The following SLC44A5 variants were observed in gnomAD, a reference collection of about 807,000 sequenced individuals.
SLC44A5 encodes solute carrier family 44 member 5.
A neutral mutation model predicts 101.8 loss-of-function variants in SLC44A5; 57 were observed. That is an observed-to-expected ratio of 0.56 (90% CI 0.45 to 0.70). The LOEUF is 0.70. SLC44A5 is among the 30% of genes least tolerant of loss of function. SLC44A5 has a pLI of 0.00. For synonymous variants in SLC44A5, 281 were observed against 290.9 expected (o/e 0.97, Z 0.35); for missense variants, 737 against 853.1 (o/e 0.86, Z 1.70).
chr1:75,582,356 G>T, intron 1 of SLC44A5: 2 of 1,105,364 alleles, frequency 1.8e-6, no homozygotes, highest in Non-Finnish European at 1.3e-6. Flanking sequence ...GATCCCAAAG[G>T]GTGTCAGCCA....
chr1:75,380,731 G>A lies in SLC44A5; in HGVS notation c.52+15852C>T, dbSNP rs372169461. ...CACTAGACATTTGAAGTTCTACAAT[G>A]AACCCATCGGAGATGCAAAGAAAAG... On this transcript the variant is annotated intron_variant, in intron 3 of 23. Transcript: ENST00000370859. Among the ~76,000 whole-genome samples the A allele has an allele frequency of 8.7e-3, 624 of 72,070 alleles. 3 individuals are homozygous for A. The highest frequency in any genetic ancestry group is 9.3e-3 in the African/African-American group (103 of 11,106). The allele number at this position is 72,070 out of a possible 152,430, so 47.3% of individuals were successfully genotyped here. A position where few individuals can be genotyped will look rare whatever the true frequency, so the allele number is the denominator to read the frequency against.
chr1:75,318,094 G>A (rs898365515), intron 4 of SLC44A5, among the ~76,000 whole-genome samples: 3 of 152,042 alleles, frequency 2.0e-5, no homozygotes, highest in Non-Finnish European at 4.4e-5. Flanking sequence ...CTGCTCTATA[G>A]GGCTGAGCTC....
chr1:75,498,214 C>T (rs1277976861), intron 2 of SLC44A5, among the ~76,000 whole-genome samples: 1 of 152,130 alleles, frequency 6.6e-6, no homozygotes, highest in South Asian at 2.1e-4. Context: ...TTCAATATTT[C>T]TTAAAACCTG....
intron 3 of SLC44A5, among the ~76,000 whole-genome samples, chr1:75,385,296 T>G (rs1661229612): frequency 6.8e-6 from 1 of 146,262 alleles, no homozygotes; most frequent in African/African-American, 2.6e-5. Flanking sequence ...ATCAACAAAA[T>G]TGATAGACCG....
chr1:75,315,857 A>G (rs998614823), intron 4 of SLC44A5, among the ~76,000 whole-genome samples: 6 of 152,100 alleles, frequency 3.9e-5, no homozygotes, highest in African/African-American at 1.4e-4. Flanking sequence ...AAATTCTGCC[A>G]TTCTTGACTC....
intron 7 of SLC44A5, 91 bp from the exon 8 acceptor site, chr1:75,243,102 CAAAA>C: frequency 7.1e-7 from 1 of 1,413,782 alleles, no homozygotes; most frequent in South Asian, 1.6e-5. Context: ...TCCACCATAA[CAAAA>C]AGCAATGCAC....
chr1:75,206,386 C>T (rs979584450), intron 23 of SLC44A5: 3 of 427,564 alleles, frequency 7.0e-6, no homozygotes, highest in African/African-American at 2.0e-5. Flanking sequence ...TTTTAAAAAA[C>T]GTTTGACATT....
At chr1:75,520,062 T>C (rs980567748) in intron 2 of SLC44A5, among the ~76,000 whole-genome samples, 4 of 152,266 alleles carry the variant, frequency 2.6e-5, no homozygotes, top group Admixed American at 2.6e-4. Flanking sequence ...TATCACACTC[T>C]GAACTGACTT....
chr1:75,216,922 G>A (rs146380204), intron 18 of SLC44A5, among the ~76,000 whole-genome samples: 1 of 151,930 alleles, frequency 6.6e-6, no homozygotes, highest in African/African-American at 2.4e-5. Context: ...CACTCTCTTG[G>A]TAGTGTTCTT....
intron 1 of SLC44A5, among the ~76,000 whole-genome samples, chr1:75,598,039 C>T (rs1417584018): frequency 1.3e-5 from 2 of 151,840 alleles, no homozygotes; most frequent in Non-Finnish European, 2.9e-5. Flanking sequence ...TGCAACTATG[C>T]ATCCAACAAA....
chr1:75,240,813 AG>A (rs999551816), intron 9 of SLC44A5, among the ~76,000 whole-genome samples: 2 of 152,100 alleles, frequency 1.3e-5, no homozygotes, highest in African/African-American at 4.8e-5. Flanking sequence ...AATAGAAAAA[AG>A]AAAGAAGAGT....
rs1664612799 is a variant in SLC44A5, at chr1:75,431,556, CCTT to C, written c.14-34938_14-34936del. 3.3e-5 allele frequency among the ~76,000 whole-genome samples: 5 copies of C among 152,126 alleles called. No homozygotes were observed. In the South Asian group the frequency reaches 8.3e-4, roughly 25 times the overall value. On this transcript the variant is annotated intron_variant, in intron 2 of 23. Transcript: ENST00000370859. ...ATTTATTTAACAGACTCATATGTGA[CCTT>C]CTTTGCAGAGAGCCTGTGGATTTCT...
intron 1 of SLC44A5, among the ~76,000 whole-genome samples, chr1:75,575,419 A>G (rs781684398): frequency 4.6e-5 from 7 of 152,206 alleles, no homozygotes; most frequent in Non-Finnish European, 8.8e-5. Context: ...ATTATTGACT[A>G]TGCACTACAT....
At chr1:75,306,928 C>T (rs915505738) in intron 4 of SLC44A5, among the ~76,000 whole-genome samples, 3 of 151,500 alleles carry the variant, frequency 2.0e-5, no homozygotes, top group Admixed American at 6.6e-5. Flanking sequence ...TTAGTAGAGA[C>T]GGGGTTTCAC....
intron 3 of SLC44A5, among the ~76,000 whole-genome samples, chr1:75,347,636 CAG>C (rs1557686950): frequency 6.6e-6 from 1 of 151,370 alleles, no homozygotes; most frequent in Non-Finnish European, 1.5e-5. Flanking sequence ...GAGAAAGAGA[CAG>C]AGAGAGAGGA....
At chr1:75,489,503 G>A (rs1175739846) in intron 2 of SLC44A5, among the ~76,000 whole-genome samples, 1 of 152,186 alleles carries the variant, frequency 6.6e-6, no homozygotes, top group Non-Finnish European at 1.5e-5. Context: ...TTGGTTGGTT[G>A]TTTTTAAGAC....
chr1:75,598,994 A>G (rs1426619367), intron 1 of SLC44A5, among the ~76,000 whole-genome samples: 1 of 152,226 alleles, frequency 6.6e-6, no homozygotes, highest in Non-Finnish European at 1.5e-5. Context: ...ACATTTCCAC[A>G]GAAAACTCAG....
intron 4 of SLC44A5, among the ~76,000 whole-genome samples, chr1:75,332,097 T>G (rs1657102995): frequency 1.3e-5 from 2 of 152,194 alleles, no homozygotes; most frequent in South Asian, 4.1e-4. Context: ...CTAGAAGACA[T>G]GGGGCATGTA....
chr1:75,517,165 G>A (rs1363194585), intron 2 of SLC44A5, among the ~76,000 whole-genome samples: 4 of 152,122 alleles, frequency 2.6e-5, no homozygotes, highest in African/African-American at 7.2e-5. Flanking sequence ...TCATTTCAAT[G>A]TTTTCTTTCA....
Sources: allele counts gnomAD v4.1 joint callset (sites outside exome capture counted in the v4.1 genomes callset), GRCh38; gene constraint gnomAD v4.1.1; transcripts MANE v1.5; gene names NCBI Gene and HGNC (gene_info 2026-07-23, HGNC 2026-07-21).